Variants in RDX observed in about 807,000 individuals in gnomAD.
RDX encodes the protein deafness, autosomal recessive 24.
A neutral mutation model predicts 83.7 loss-of-function variants in RDX; 32 were observed. The ratio of observed to expected loss-of-function variants is 0.38; its 90% confidence interval spans 0.29 to 0.51. The LOEUF (loss-of-function observed/expected upper bound fraction) is 0.51. Ranked by LOEUF, RDX falls within the 20% of genes least tolerant of loss-of-function variation. The pLI is 0.87. For synonymous variants in RDX, 229 were observed against 222.7 expected (o/e 1.03, Z -0.25); for missense variants, 600 against 689.9 (o/e 0.87, Z 1.46).
chr11:110,201,402 T>C (rs1436017453), intron 14 of RDX, among the ~76,000 whole-genome samples: 7 of 152,026 alleles, frequency 4.6e-5, no homozygotes, highest in East Asian at 1.9e-4. Context: ...GTAAAGTTAA[T>C]AGATGAAAGG....
chr11:110,264,927 T>C lies in RDX; in HGVS notation c.97-53A>G, dbSNP rs1474465443. The C allele has an allele frequency of 8.4e-5, 108 of 1,287,718 alleles. 2 individuals carry two copies. In the Middle Eastern group the frequency reaches 9.2e-4, roughly 11 times the overall value. 79.8% of individuals were successfully genotyped at this position (1,287,718 alleles called of 1,614,324 possible). On this transcript the variant is annotated intron_variant, in intron 3 of 13. Transcript: ENST00000645495. ...CAATTTCAGTCCAACATACACATTG[T>C]GTCTAGATGATACTACACTTCAAAA...
At chr11:110,209,101 CAG>C (rs749174454) in intron 14 of RDX, among the ~76,000 whole-genome samples, 3 of 152,174 alleles carry the variant, frequency 2.0e-5, no homozygotes, top group African/African-American at 7.2e-5. Flanking sequence ...TAGGGAGTGC[CAG>C]AGAGTGGGCA....
chr11:110,279,782 T>C (rs543122254), intron 1 of RDX, 26 bp from the exon 2 acceptor site: 4 of 781,442 alleles, frequency 5.1e-6, no homozygotes, highest in Non-Finnish European at 8.6e-6. Context: ...AAGCATAATC[T>C]ATTATCTTTT....
At chr11:110,227,280 A>G (rs1448887568), downstream of RDX, among the ~76,000 whole-genome samples, 2 of 152,196 alleles carry the variant, frequency 1.3e-5, no homozygotes, top group Admixed American at 1.3e-4. Flanking sequence ...CTTTTCCAAA[A>G]ATAGTCACAT....
intron 15 of RDX, among the ~76,000 whole-genome samples, chr11:110,188,329 T>TAAC (rs1245145434): frequency 9.1e-5 from 13 of 143,084 alleles, no homozygotes; most frequent in African/African-American, 3.1e-4. Flanking sequence ...ATAATAATAA[T>TAAC]AATAATAACA....
At chr11:110,226,771 G>A (rs941907915), downstream of RDX, among the ~76,000 whole-genome samples, 4 of 152,100 alleles carry the variant, frequency 2.6e-5, no homozygotes, top group Non-Finnish European at 5.9e-5. Context: ...TCCTAGGTTA[G>A]AAAAACTTTT....
chr11:110,291,401 T>C (rs1861236629), intron 1 of RDX, among the ~76,000 whole-genome samples: 1 of 152,110 alleles, frequency 6.6e-6, no homozygotes, highest in Non-Finnish European at 1.5e-5. Context: ...GAAGTATCTA[T>C]TGGGAACAGA....
chr11:110,231,600 G>GAA lies in RDX; in HGVS notation c.*267_*268dup. 5.5e-5 allele frequency: 23 copies of GAA among 419,774 alleles called. No individual in the cohort carries two copies. The highest frequency in any genetic ancestry group is 1.3e-4 in the East Asian group (3 of 22,668). The allele number at this position is 419,774 out of a possible 1,614,324, so 26.0% of individuals were successfully genotyped here. A position where few individuals can be genotyped will look rare whatever the true frequency, so the allele number is the denominator to read the frequency against. ...TGATAATTAGTGTTAATCTTCAACA[G>GAA]AAAAAAAAAAGAAAAAGAAAAAAAA... On this transcript the variant is annotated 3_prime_UTR_variant, in exon 14 of 14. Coordinates refer to ENST00000645495, the MANE Select transcript of RDX (RefSeq NM_002906.4).
At chr11:110,295,326 AAG>A (rs1491049109) in intron 1 of RDX, among the ~76,000 whole-genome samples, 5 of 151,440 alleles carry the variant, frequency 3.3e-5, no homozygotes, top group Admixed American at 6.6e-5. Context: ...AAAAAAAAAA[AAG>A]AAGTATGCTC....
Position 110,253,449 on chromosome 11 carries a change from A to G in RDX, c.959+497T>C, listed in dbSNP as rs183502346. ...TCACTACCATTCAATTTTAAAAATT[A>G]TCAATTTAATATATTTAACAGTTTC... On this transcript the variant is annotated intron_variant, in intron 9 of 13. Transcript: ENST00000645495. 2.6e-4 allele frequency among the ~76,000 whole-genome samples: 39 copies of G among 152,292 alleles called. 1 individual carries two copies. The highest frequency in any genetic ancestry group is 2.4e-3 in the Admixed American group (37 of 15,306).
Position 110,236,193 on chromosome 11 carries a change from T to A in RDX, c.1252-2A>T. On this transcript the variant is annotated splice_acceptor_variant, in intron 11 of 13. Coordinates refer to ENST00000645495, the MANE Select transcript of RDX (RefSeq NM_002906.4). LOFTEE classifies it high-confidence loss of function. Reference sequence around the variant, plus strand: ...AGTGAATTCAGCAAGTTCTGCTGCCTAAAGTAAACAATATAATTCCAAAAT... The same window carrying A: ...AGTGAATTCAGCAAGTTCTGCTGCCAAAAGTAAACAATATAATTCCAAAAT... The A allele has an allele frequency of 6.2e-7, 1 of 1,607,662 alleles. No homozygotes were observed.
Position 110,264,804 on chromosome 11 carries a change from GAAT to G in RDX, c.164_166del (p.Tyr55del). 1 of 1,612,962 alleles carries G rather than the reference GAAT, an allele frequency of 6.2e-7. No homozygotes were observed. Among genetic ancestry groups the G allele is most frequent in the Non-Finnish European group, 8.5e-7 (1 of 1,179,274 alleles). ...CTTTTTATTTAGTTTAAGCCATGTA[GAAT>G]AACCTTTGCTGTCTACATACTGCAG... On this transcript the variant is annotated inframe_deletion, in exon 4 of 14. Coordinates refer to ENST00000645495, the MANE Select transcript of RDX (RefSeq NM_002906.4).
At chr11:110,279,529 T>C in intron 2 of RDX, 152 bp downstream of exon 2, 1 of 600,622 alleles carries the variant, frequency 1.7e-6, no homozygotes, top group Non-Finnish European at 3.0e-6. Context: ...GTGTTTCTAA[T>C]TAATTTGGCC....
chr11:110,185,822 G>C (rs1486566958), intron 15 of RDX, among the ~76,000 whole-genome samples: 1 of 152,162 alleles, frequency 6.6e-6, no homozygotes, highest in Non-Finnish European at 1.5e-5. Flanking sequence ...CTATGGCGTG[G>C]AGGTGCTTAT....
chr11:110,282,158 T>C (rs552652368), intron 1 of RDX, among the ~76,000 whole-genome samples: 1 of 152,302 alleles, frequency 6.6e-6, no homozygotes, highest in East Asian at 1.9e-4. Flanking sequence ...TCACATTTCA[T>C]AGAACAATTT....
Position 110,277,712 on chromosome 11 carries a change from A to G in RDX, c.12+1969T>C, listed in dbSNP as rs73555793. Among the ~76,000 whole-genome samples, 299 of 152,022 alleles carry G rather than the reference A, an allele frequency of 2.0e-3. 1 individual carries two copies. Among genetic ancestry groups the G allele is most frequent in the African/African-American group, 6.9e-3 (287 of 41,508 alleles). On this transcript the variant is annotated intron_variant, in intron 2 of 13. Transcript: ENST00000645495. The stretch of plus-strand genomic sequence containing the variant: ...AAAATCTGAGTTGTGTTATTATTCA[A>G]CTGTAAAAGAACTTTATATGGCAAT...
intron 2 of RDX, among the ~76,000 whole-genome samples, chr11:110,274,877 G>C (rs1484956931): frequency 1.3e-5 from 2 of 152,086 alleles, no homozygotes; most frequent in South Asian, 4.1e-4. Context: ...ATACTGCTAT[G>C]AACATTCTCG....
At chr11:110,182,257 T>C (rs1862902799) in intron 15 of RDX, among the ~76,000 whole-genome samples, 1 of 152,208 alleles carries the variant, frequency 6.6e-6, no homozygotes, top group Non-Finnish European at 1.5e-5. Flanking sequence ...CAGCCACTCA[T>C]TGTGCAGCAT....
At chr11:110,261,421 T>C (rs575722201) in intron 5 of RDX, among the ~76,000 whole-genome samples, 1 of 152,300 alleles carries the variant, frequency 6.6e-6, no homozygotes, top group Admixed American at 6.5e-5. Flanking sequence ...TAAGAACAGA[T>C]TGCTCATCTG....
Sources: allele counts gnomAD v4.1 joint callset (sites outside exome capture counted in the v4.1 genomes callset), GRCh38; gene constraint gnomAD v4.1.1; transcripts MANE v1.5; gene names NCBI Gene and HGNC (gene_info 2026-07-23, HGNC 2026-07-21).